WDTC1: variants seen among roughly 807,000 people sequenced by gnomAD.
The protein encoded by WDTC1 is WD and tetratricopeptide repeats 1.
In WDTC1, 12 loss-of-function variants were observed where a neutral mutation model predicts 76.0. That is an observed-to-expected ratio of 0.16 (90% CI 0.10 to 0.26). The LOEUF is 0.26. Among genes scored for constraint, WDTC1 ranks in the 10% least tolerant of loss-of-function variants. The pLI, the probability that WDTC1 is intolerant of heterozygous loss-of-function variation, is 1.00. For synonymous variants in WDTC1, 326 were observed against 350.8 expected (o/e 0.93, Z 0.79); for missense variants, 511 against 908.8 (o/e 0.56, Z 5.63).
At chr1:27,251,972 C>T (rs1400497163) in intron 1 of WDTC1, among the ~76,000 whole-genome samples, 5 of 151,836 alleles carry the variant, frequency 3.3e-5, no homozygotes, top group African/African-American at 4.8e-5. Context: ...TGCTTGAACC[C>T]GGGAGGCAGA....
rs1247474611 is a variant in WDTC1 at position 27,306,362 on chromosome 1, G to A, written c.2013G>A (p.Gln671=). 1.2e-6 allele frequency: 2 copies of A among 1,613,038 alleles called. No individual in the cohort carries two copies. Among genetic ancestry groups the A allele is most frequent in the Admixed American group, 1.7e-5 (1 of 60,020 alleles). The part of the protein sequence containing the change: ...ASDDEDSSEG[Q]VQCRPS ...ATGATGAGGACAGCTCTGAGGGCCA[G>A]GTGCAGTGCCGGCCCAGCTAGACCC... The change falls in exon 16 of 16, where the codon CAG becomes CAA. Residue 671 remains glutamine (Q), a synonymous_variant. Transcript: ENST00000319394. This position sits in a 1 kb window ranked among gnomAD's most constrained non-coding sequence, Gnocchi z 5.0.
At chr1:27,261,703 T>C (rs1182955218) in intron 2 of WDTC1, among the ~76,000 whole-genome samples, 2 of 152,150 alleles carry the variant, frequency 1.3e-5, no homozygotes, top group Non-Finnish European at 1.5e-5. Context: ...CATGATGTGC[T>C]CCAGCACTGG....
chr1:27,277,736 G>C (rs930637662), intron 3 of WDTC1, among the ~76,000 whole-genome samples: 3 of 152,166 alleles, frequency 2.0e-5, no homozygotes, highest in Admixed American at 2.0e-4. Flanking sequence ...ATTGTAGTAA[G>C]TTATAAAATT....
In WDTC1 at chr1:27,305,270, A is replaced by G; in HGVS notation, c.1836+77A>G. On this transcript the variant is annotated intron_variant, in intron 15 of 15. Transcript: ENST00000319394. This position sits in a 1 kb window ranked among gnomAD's most constrained non-coding sequence, Gnocchi z 4.6. ...CCAGTGGAGCCTGCTAGCGCAGGGA[A>G]GAGAAATGAGCCACCCAGAGGCTAG... 6.7e-7 allele frequency: 1 copy of G among 1,499,702 alleles called. No homozygotes were observed. The allele number at this position is 1,499,702 out of a possible 1,614,324, so 92.9% of individuals were successfully genotyped here. A position where few individuals can be genotyped will look rare whatever the true frequency, so the allele number is the denominator to read the frequency against.
rs201671087 is a variant in WDTC1, at chr1:27,292,119, C to T, written c.480-96C>T. 225 of 1,314,436 alleles carry T rather than the reference C, an allele frequency of 1.7e-4. 1 individual carries two copies. In the East Asian group the frequency reaches 5.2e-3, roughly 30 times the overall value. The allele number at this position is 1,314,436 out of a possible 1,614,324, so 81.4% of individuals were successfully genotyped here. On this transcript the variant is annotated intron_variant, in intron 6 of 15. Transcript: ENST00000319394. ...TTATTTAGAAACAGGTCCAAAGTCC[C>T]TCCCAATCCTCTTGCATAACAAGAA...
At chr1:27,293,083 T>C (rs888841629) in intron 7 of WDTC1, among the ~76,000 whole-genome samples, 2 of 151,826 alleles carry the variant, frequency 1.3e-5, no homozygotes, top group African/African-American at 2.4e-5. Flanking sequence ...ATGGACTTTC[T>C]TCAATTTTGT....
intron 6 of WDTC1, among the ~76,000 whole-genome samples, chr1:27,288,716 A>G (rs1220877612): frequency 6.6e-6 from 1 of 151,806 alleles, no homozygotes; most frequent in African/African-American, 2.4e-5. Context: ...TTTTCTTAGT[A>G]CAGAACAAAA....
chr1:27,269,959 CAG>C (rs2012816932), intron 3 of WDTC1, among the ~76,000 whole-genome samples: 2 of 141,756 alleles, frequency 1.4e-5, no homozygotes, highest in Admixed American at 7.0e-5. Flanking sequence ...GTTTTTGAGA[CAG>C]AGTCTTGCTC....
At chr1:27,249,950 A>G (rs902397407) in intron 1 of WDTC1, among the ~76,000 whole-genome samples, 1 of 151,972 alleles carries the variant, frequency 6.6e-6, no homozygotes, top group African/African-American at 2.4e-5. Flanking sequence ...TTTCCTTCTG[A>G]TCTTGCGTTT....
At chr1:27,262,209 T>C (rs752758288) in intron 2 of WDTC1, among the ~76,000 whole-genome samples, 1 of 151,988 alleles carries the variant, frequency 6.6e-6, no homozygotes, top group African/African-American at 2.4e-5. Context: ...ATTACAGGCG[T>C]GAGCCACCAT....
At chr1:27,304,963 A>G (rs986894002) in intron 14 of WDTC1, 38 bp from the exon 15 acceptor site, 2 of 1,584,774 alleles carry the variant, frequency 1.3e-6, no homozygotes, top group South Asian at 2.3e-5. Context: ...GTAGGGCAGT[A>G]CCCCACCTGA....
chr1:27,287,954 C>G (rs1185976439), intron 6 of WDTC1, 93 bp downstream of exon 6: 8 of 1,454,486 alleles, frequency 5.5e-6, no homozygotes, highest in South Asian at 1.4e-5. Flanking sequence ...TTCCCTCCAG[C>G]AGAGGTCCAA....
At chr1:27,244,959 T>G (rs551835601) in intron 1 of WDTC1, among the ~76,000 whole-genome samples, 2 of 151,720 alleles carry the variant, frequency 1.3e-5, no homozygotes, top group East Asian at 3.9e-4. Flanking sequence ...TCGGAAGGGG[T>G]TTTGTAGCTT....
At chr1:27,296,839 C>G (rs2013705559) in intron 10 of WDTC1, among the ~76,000 whole-genome samples, 1 of 67,676 alleles carries the variant, frequency 1.5e-5, no homozygotes, top group Non-Finnish European at 3.2e-5. Context: ...TGAGTAATGC[C>G]ACGGTGAAGT....
intron 6 of WDTC1, among the ~76,000 whole-genome samples, chr1:27,290,762 G>A (rs1289842113): frequency 6.6e-6 from 1 of 152,160 alleles, no homozygotes; most frequent in African/African-American, 2.4e-5. Context: ...TGTCTCCCTT[G>A]AGTTCCTGTA....
chr1:27,255,153 C>CAA (rs766453793), intron 1 of WDTC1, among the ~76,000 whole-genome samples: 17 of 152,058 alleles, frequency 1.1e-4, no homozygotes, highest in Non-Finnish European at 2.5e-4. Context: ...TCTCATTATT[C>CAA]CTCCTTGTCT....
intron 1 of WDTC1, among the ~76,000 whole-genome samples, chr1:27,249,397 C>T (rs970315332): frequency 2.0e-5 from 3 of 152,056 alleles, no homozygotes; most frequent in Non-Finnish European, 2.9e-5. Flanking sequence ...TGGAATTATG[C>T]AATATGTAGG....
chr1:27,304,095 C>T (rs1337596982), intron 14 of WDTC1: 4 of 343,276 alleles, frequency 1.2e-5, no homozygotes, highest in Non-Finnish European at 1.6e-5. Context: ...CTGCATGTGC[C>T]AGAGCTTGGT....
intron 1 of WDTC1, among the ~76,000 whole-genome samples, chr1:27,258,968 G>T (rs1029858773): frequency 4.6e-5 from 7 of 152,194 alleles, no homozygotes; most frequent in African/African-American, 9.7e-5. Flanking sequence ...CTTCTGTGTG[G>T]CTTCAGAGGT....
Sources: allele counts gnomAD v4.1 joint callset (sites outside exome capture counted in the v4.1 genomes callset), GRCh38; gene constraint gnomAD v4.1.1; non-coding constraint Gnocchi (gnomAD v3.1); transcripts MANE v1.5; gene names NCBI Gene and HGNC (gene_info 2026-07-23, HGNC 2026-07-21).